Variants in RAPGEF6 observed in about 807,000 individuals in gnomAD.
RAPGEF6 encodes PDZ domain containing guanine nucleotide exchange factor (GEF) 2.
In RAPGEF6, 56 loss-of-function variants were observed where a neutral mutation model predicts 171.4. That is an observed-to-expected ratio of 0.33 (90% CI 0.26 to 0.41). The LOEUF (loss-of-function observed/expected upper bound fraction) is 0.41. Among genes scored for constraint, RAPGEF6 ranks in the 10% least tolerant of loss-of-function variants. RAPGEF6 has a pLI of 1.00. For synonymous variants in RAPGEF6, 692 were observed against 650.1 expected (o/e 1.06, Z -0.98); for missense variants, 1,674 against 1,921.4 (o/e 0.87, Z 2.41).
At chr5:131,434,657 A>C (rs1348197297) in intron 24 of RAPGEF6, among the ~76,000 whole-genome samples, 1 of 152,228 alleles carries the variant, frequency 6.6e-6, no homozygotes, top group Non-Finnish European at 1.5e-5. Flanking sequence ...ATAATGTGTT[A>C]TAGAAAAAAA....
At chr5:131,606,134 G>A (rs1437077318) in intron 1 of RAPGEF6, among the ~76,000 whole-genome samples, 1 of 151,830 alleles carries the variant, frequency 6.6e-6, no homozygotes, top group African/African-American at 2.4e-5. Flanking sequence ...AGGCCAAGGT[G>A]GGTGGATCAC....
In RAPGEF6 at chr5:131,426,478, A is replaced by C. The variant is rs2149801928; in HGVS notation, c.*788T>G. The C allele has an allele frequency of 6.6e-6, 1 of 152,414 alleles. No individual in the cohort carries two copies. The highest frequency in any genetic ancestry group is 2.1e-4 in the South Asian group (1 of 4,820). 9.4% of individuals were successfully genotyped at this position (152,414 alleles called of 1,614,324 possible). Reference sequence around the variant, plus strand: ...TTGTATACATGTCATTTAACATCAAAATTTCATTCTGTGGAAATTAGGGTT... The same window carrying C: ...TTGTATACATGTCATTTAACATCAACATTTCATTCTGTGGAAATTAGGGTT... On this transcript the variant is annotated 3_prime_UTR_variant, in exon 28 of 28. Coordinates refer to ENST00000509018, the MANE Select transcript of RAPGEF6 (RefSeq NM_016340.6).
At chr5:131,569,787 T>G (rs1762164272) in intron 4 of RAPGEF6, among the ~76,000 whole-genome samples, 1 of 152,134 alleles carries the variant, frequency 6.6e-6, no homozygotes, top group South Asian at 2.1e-4. Context: ...ACGCCTGTAA[T>G]CCCAGCACTT....
chr5:131,428,375 T>C (rs1051013336), intron 27 of RAPGEF6, among the ~76,000 whole-genome samples: 1 of 152,112 alleles, frequency 6.6e-6, no homozygotes, highest in Admixed American at 6.5e-5. Context: ...ATTGTGCCAC[T>C]GCACTCTAAG....
At chr5:131,474,960 G>C (rs965129027) in intron 16 of RAPGEF6, among the ~76,000 whole-genome samples, 1 of 152,136 alleles carries the variant, frequency 6.6e-6, no homozygotes, top group Non-Finnish European at 1.5e-5. Flanking sequence ...CTATTAAAGG[G>C]AATTAACTGC....
At chr5:131,589,832 C>T (rs1561587368) in intron 4 of RAPGEF6, among the ~76,000 whole-genome samples, 3 of 152,234 alleles carry the variant, frequency 2.0e-5, no homozygotes, top group Non-Finnish European at 4.4e-5. Flanking sequence ...CTCCTAAGTG[C>T]CACTCCTGGT....
At chr5:131,627,772 C>T (rs1247714178) in intron 1 of RAPGEF6, among the ~76,000 whole-genome samples, 3 of 152,136 alleles carry the variant, frequency 2.0e-5, no homozygotes, top group African/African-American at 7.2e-5. Context: ...CTGCATCAAG[C>T]AAGTCCAACA....
chr5:131,441,390 G>A lies in RAPGEF6; in HGVS notation c.3610+959C>T, dbSNP rs111605651. ...ACACTGCATGCAATTTCCACTCAGC[G>A]TCAGCAAAGTGCTTGTAGTTTCTTG... On this transcript the variant is annotated intron_variant, in intron 23 of 27. Transcript: ENST00000509018. 3.3e-3 allele frequency among the ~76,000 whole-genome samples: 509 copies of A among 152,304 alleles called. 3 individuals are homozygous for A. The highest frequency in any genetic ancestry group is 0.012 in the African/African-American group (485 of 41,570).
intron 3 of RAPGEF6, among the ~76,000 whole-genome samples, chr5:131,594,361 G>A (rs993970259): frequency 2.0e-5 from 3 of 152,264 alleles, no homozygotes; most frequent in African/African-American, 7.2e-5. Context: ...GGTACGCAGA[G>A]GTCAAAAGTT....
At chr5:131,519,230 T>C (rs762080319) in intron 7 of RAPGEF6, among the ~76,000 whole-genome samples, 1 of 152,192 alleles carries the variant, frequency 6.6e-6, no homozygotes, top group African/African-American at 2.4e-5. Flanking sequence ...AATGCTCCTA[T>C]AGGAGCTCCT....
In RAPGEF6 at chr5:131,453,107, T is replaced by C. The variant is rs1356430169; in HGVS notation, c.3147A>G (p.Gln1049=). The C allele has an allele frequency of 2.5e-6, 4 of 1,614,048 alleles. No individual in the cohort carries two copies. The highest frequency in any genetic ancestry group is 1.7e-5 in the Admixed American group (1 of 60,020). ...TGTTAGCAGAAGTCATTCGAACAAC[T>C]TGGCGGATTTCCTTGGAAATCATTC... The part of the protein sequence containing the change: ...KLRMISKEIR[Q]VVRMTSANMD... The change falls in exon 21 of 28, where the codon CAA becomes CAG. Residue 1049 remains glutamine (Q), a synonymous_variant. Transcript: ENST00000509018.
chr5:131,536,571 G>T (rs997333527), intron 6 of RAPGEF6, among the ~76,000 whole-genome samples: 1 of 151,992 alleles, frequency 6.6e-6, no homozygotes, highest in Non-Finnish European at 1.5e-5. Context: ...GGACACACAT[G>T]CACTATGAAA....
At chr5:131,570,953 T>TC in intron 4 of RAPGEF6, among the ~76,000 whole-genome samples, 1 of 151,072 alleles carries the variant, frequency 6.6e-6, no homozygotes, top group Middle Eastern at 3.4e-3. Flanking sequence ...TTTTTTTTTT[T>TC]TTTTTTTTTG....
chr5:131,454,098 G>A (rs569308520), intron 20 of RAPGEF6, among the ~76,000 whole-genome samples: 6 of 152,298 alleles, frequency 3.9e-5, no homozygotes, highest in East Asian at 3.9e-4. Context: ...CTGAAAAACC[G>A]AGTACAGACA....
chr5:131,584,198 T>C (rs1330527183), intron 4 of RAPGEF6, among the ~76,000 whole-genome samples: 1 of 152,252 alleles, frequency 6.6e-6, no homozygotes, highest in African/African-American at 2.4e-5. Flanking sequence ...ATGTCAGTTA[T>C]ACTTCAATAA....
intron 1 of RAPGEF6, among the ~76,000 whole-genome samples, chr5:131,631,277 A>G (rs1224810212): frequency 6.6e-6 from 1 of 152,232 alleles, no homozygotes; most frequent in African/African-American, 2.4e-5. Flanking sequence ...CAAACTTGAC[A>G]TGTTCAAAAC....
chr5:131,538,792 A>C (rs1334582913), intron 6 of RAPGEF6, among the ~76,000 whole-genome samples: 1 of 152,198 alleles, frequency 6.6e-6, no homozygotes, highest in Non-Finnish European at 1.5e-5. Flanking sequence ...TCACAAAATT[A>C]AAACAAAATC....
At position 131,427,101 on chromosome 5, in the gene RAPGEF6, G is replaced by A; in HGVS notation, c.*165C>T. 1.4e-6 allele frequency: 1 copy of A among 705,930 alleles called. No homozygotes were observed. The highest frequency in any genetic ancestry group is 2.5e-5 in the Admixed American group (1 of 39,572). The allele number at this position is 705,930 out of a possible 1,614,324, so 43.7% of individuals were successfully genotyped here. ...ATTTATCTGCAGAAATTAAATGAAAGGAAGCATAACTCAGGTCTATTTCAT... is the reference window on the plus strand; with the variant it reads ...ATTTATCTGCAGAAATTAAATGAAAAGAAGCATAACTCAGGTCTATTTCAT... On this transcript the variant is annotated 3_prime_UTR_variant, in exon 28 of 28. Coordinates refer to ENST00000509018, the MANE Select transcript of RAPGEF6 (RefSeq NM_016340.6).
At chr5:131,503,697 A>G (rs1424586603) in intron 11 of RAPGEF6, among the ~76,000 whole-genome samples, 2 of 152,218 alleles carry the variant, frequency 1.3e-5, no homozygotes, top group East Asian at 3.8e-4. Flanking sequence ...TCTTTCAACT[A>G]TAATTGTTCA....
Sources: allele counts gnomAD v4.1 joint callset (sites outside exome capture counted in the v4.1 genomes callset), GRCh38; gene constraint gnomAD v4.1.1; transcripts MANE v1.5; gene names NCBI Gene and HGNC (gene_info 2026-07-23, HGNC 2026-07-21).